Variants in SETD6 observed in about 807,000 individuals in gnomAD.
The protein encoded by SETD6 is SET domain containing 6, protein lysine methyltransferase, also known as N-lysine methyltransferase SETD6.
A neutral mutation model predicts 52.7 loss-of-function variants in SETD6; 67 were observed. The ratio of observed to expected loss-of-function variants is 1.27; its 90% CI spans 1.04 to 1.56. The LOEUF (loss-of-function observed/expected upper bound fraction) is 1.56, where lower values mean the gene tolerates loss of function less well. SETD6 is among the 40% of genes most tolerant of loss of function. SETD6 has a pLI of 0.00. For missense variants in SETD6, 712 were observed against 607.5 expected, an observed-to-expected ratio of 1.17 and a Z score of -1.81; for synonymous variants, 307 against 250.2, an observed-to-expected ratio of 1.23 and a Z score of -2.14.
At position 58,516,904 on chromosome 16, in the gene SETD6, C is replaced by A; in HGVS notation, c.768C>A (p.His256Gln). 1.2e-6 allele frequency: 2 copies of A among 1,614,188 alleles called. No individual in the cohort carries two copies. Among genetic ancestry groups the A allele is most frequent in the Non-Finnish European group, 1.7e-6 (2 of 1,180,024 alleles). ...AADILNHLAN[H>Q]NANLEYSANC... Reference sequence around the variant, plus strand: ...ACATACTAAACCACTTAGCCAATCACAACGCCAATCTAGAATACTCTGCGG... The same window carrying A: ...ACATACTAAACCACTTAGCCAATCAAAACGCCAATCTAGAATACTCTGCGG... The change falls in exon 5 of 8, where the codon CAC becomes CAA. Residue 256 changes from histidine (H) to glutamine (Q), a missense_variant. Transcript: ENST00000219315.
intron 2 of SETD6, 49 bp from the exon 3 acceptor site, chr16:58,516,153 C>CGGGGCGGGGCGGGG: frequency 9.5e-7 from 1 of 1,051,520 alleles, no homozygotes; most frequent in Non-Finnish European, 1.2e-6. Context: ...GCGGGGCGGG[C>CGGGGCGGGGCGGGG]CCGGCCCGCG....
At position 58,518,470 on chromosome 16, in the gene SETD6, T is replaced by A; in HGVS notation, c.1043T>A (p.Val348Glu). The change falls in exon 7 of 8, where the codon GTA (valine) becomes GAA (glutamate). Residue 348 changes from valine to glutamate, a missense_variant. Physicochemically the swap from Val to Glu is moderately radical, Grantham distance 121. Transcript: ENST00000219315. ...RWDFLCKLEM[V>E]GEEGAFVIGR... ...GATTTCCTATGCAAACTGGAGATGG[T>A]AGGGGAAGAGGGAGCCTTTGTGATA... The A allele has an allele frequency of 6.3e-7, 1 of 1,588,936 alleles. No individual in the cohort carries two copies. The highest frequency in any genetic ancestry group is 1.4e-5 in the African/African-American group (1 of 72,944).
Position 58,516,260 on chromosome 16 carries a change from C to T in SETD6, c.393C>T (p.His131=). The change falls in exon 3 of 8, where the codon CAC becomes CAT. Residue 131 remains histidine, a synonymous_variant. Transcript: ENST00000219315. ...TGCCACTGCTGCTGGCGCTGCTCCA[C>T]GAGCTGCAGGCCCCGGCCTCACGCT... ...GWVPLLLALL[H]ELQAPASRWR... The T allele has an allele frequency of 6.2e-7, 1 of 1,600,864 alleles. No individual in the cohort carries two copies. Among genetic ancestry groups the T allele is most frequent in the Non-Finnish European group, 8.5e-7 (1 of 1,179,670 alleles).
intron 1 of SETD6, 113 bp downstream of exon 1, chr16:58,515,677 TC>T: frequency 1.4e-6 from 2 of 1,405,112 alleles, no homozygotes; most frequent in Non-Finnish European, 9.2e-7. Flanking sequence ...CGCGCCCCTC[TC>T]CGCTCGTCCC....
At position 58,518,741 on chromosome 16, in the gene SETD6, TGAG is replaced by T. The variant is rs1804806084; in HGVS notation, c.1138_1140del (p.Glu380del). Reference sequence around the variant, plus strand: ...GCTTCTAGGTACTGTGCATGCCTGCTGAGGAGTTCAGAGAGCTTAAAGACCAGG... The same window carrying T: ...GCTTCTAGGTACTGTGCATGCCTGCTGAGTTCAGAGAGCTTAAAGACCAGG... On this transcript the variant is annotated inframe_deletion, in exon 8 of 8. Coordinates refer to ENST00000219315, the MANE Select transcript of SETD6 (RefSeq NM_001160305.4). 1.2e-6 allele frequency: 2 copies of T among 1,614,104 alleles called. No individual in the cohort carries two copies. The highest frequency in any genetic ancestry group is 1.7e-6 in the Non-Finnish European group (2 of 1,180,008).
In SETD6 at chr16:58,522,577, A is replaced by C. The variant is rs2039440430; in HGVS notation, c.*3548A>C. 6.6e-6 allele frequency among the ~76,000 whole-genome samples: 1 copy of C among 152,128 alleles called. No individual in the cohort carries two copies. Among genetic ancestry groups the C allele is most frequent in the Admixed American group, 6.5e-5 (1 of 15,284 alleles). ...TAAAGTGTGTGTGTGTGTGTATCACAATCTCTCTAATGCTATATGTAGTCT... is the reference window on the plus strand; with the variant it reads ...TAAAGTGTGTGTGTGTGTGTATCACCATCTCTCTAATGCTATATGTAGTCT... On this transcript the variant is annotated 3_prime_UTR_variant, in exon 8 of 8. Coordinates refer to ENST00000219315, the MANE Select transcript of SETD6 (RefSeq NM_001160305.4).
In SETD6 at chr16:58,523,615, G is replaced by T; in HGVS notation, c.*4586G>T. On this transcript the variant is annotated 3_prime_UTR_variant, in exon 8 of 8. Transcript: ENST00000219315. ...ACAGAGGCTTTCAAATTAATCTTTG[G>T]TTTAAAGCAGTGGTTCTTGGGACCC... 1 of 919,284 alleles carries T rather than the reference G, an allele frequency of 1.1e-6. No individual in the cohort carries two copies. Among genetic ancestry groups the T allele is most frequent in the African/African-American group, 1.7e-5 (1 of 60,560 alleles). 56.9% of individuals were successfully genotyped at this position (919,284 alleles called of 1,614,324 possible).
Position 58,516,493 on chromosome 16 carries a change from C to CCG in SETD6, c.493_494dup (p.Cys166GlyfsTer46). On this transcript the variant is annotated frameshift_variant, in exon 4 of 8. Coordinates refer to ENST00000219315, the MANE Select transcript of SETD6 (RefSeq NM_001160305.4). LOFTEE classifies it high-confidence loss of function. The stretch of plus-strand genomic sequence containing the variant: ...GTCCCTGCAGGCCAGAGGAGGAGCG[C>CCG]CGGTGCCTGCTCCAGGGCACAGGCG... 6.2e-7 allele frequency: 1 copy of CCG among 1,614,028 alleles called. No homozygotes were observed. Among genetic ancestry groups the CCG allele is most frequent in the Non-Finnish European group, 8.5e-7 (1 of 1,179,950 alleles).
chr16:58,517,132 A>C lies in SETD6; in HGVS notation c.792+204A>C, dbSNP rs1304963221. 4 of 689,454 alleles carry C rather than the reference A, an allele frequency of 5.8e-6. No homozygotes were observed. In the East Asian group the frequency reaches 1.2e-4, roughly 20 times the overall value. 42.7% of individuals were successfully genotyped at this position (689,454 alleles called of 1,614,324 possible). On this transcript the variant is annotated intron_variant, in intron 5 of 7. Transcript: ENST00000219315. Reference sequence around the variant, plus strand: ...GTAAGTTGTGGTTAATCCTCTGATAAACTATACTACCATCATTTATTTAGT... The same window carrying C: ...GTAAGTTGTGGTTAATCCTCTGATACACTATACTACCATCATTTATTTAGT...
rs1283769650 is a variant in SETD6, at chr16:58,518,756, G to A, written c.1149G>A (p.Glu383=). The A allele has an allele frequency of 6.2e-7, 1 of 1,614,176 alleles. No individual in the cohort carries two copies. The highest frequency in any genetic ancestry group is 1.7e-5 in the Admixed American group (1 of 60,026). ...GCATGCCTGCTGAGGAGTTCAGAGA[G>A]CTTAAAGACCAGGATGGAGGGGGAG... is the stretch of plus-strand genomic sequence containing the variant. ...VLCMPAEEFR[E]LKDQDGGGDD... is the part of the protein sequence containing the mutation. Residue 383 remains glutamate, a synonymous_variant, in exon 8 of 8, where the codon GAG becomes GAA. Transcript: ENST00000219315.
Position 58,521,695 on chromosome 16 carries a change from G to C in SETD6, c.*2666G>C, listed in dbSNP as rs981669253. Reference sequence around the variant, plus strand: ...AGGCCGGGCACAGTGGCTCATGCCTGTAATCCAGCACTTTGGGAGGCCGAG... The same window carrying C: ...AGGCCGGGCACAGTGGCTCATGCCTCTAATCCAGCACTTTGGGAGGCCGAG... On this transcript the variant is annotated 3_prime_UTR_variant, in exon 8 of 8. Coordinates refer to ENST00000219315, the MANE Select transcript of SETD6 (RefSeq NM_001160305.4). Among the ~76,000 whole-genome samples the C allele has an allele frequency of 6.6e-6, 1 of 152,210 alleles. No homozygotes were observed. The highest frequency in any genetic ancestry group is 1.5e-5 in the Non-Finnish European group (1 of 68,040).
In SETD6 at chr16:58,518,872, T is replaced by C. The variant is rs1438841393; in HGVS notation, c.1265T>C (p.Leu422Pro). The change falls in exon 8 of 8, where the codon CTG becomes CCG. Residue 422 changes from leucine (L) to proline (P), a missense_variant. Leu to Pro is a moderately conservative substitution (Grantham distance 98). Transcript: ENST00000219315. ...WRQLLQNSVLLTLQTYATDLK... is the reference protein window; with the variant it reads ...WRQLLQNSVLPTLQTYATDLK... ...CAGCTGCTTCAAAACAGTGTTCTAC[T>C]GACTTTGCAGACCTATGCCACAGAC... 3 of 1,614,220 alleles carry C rather than the reference T, an allele frequency of 1.9e-6. No individual in the cohort carries two copies. Among genetic ancestry groups the C allele is most frequent in the African/African-American group, 1.3e-5 (1 of 75,056 alleles).
rs1245560137 is a variant in SETD6 at position 58,521,160 on chromosome 16, A to G, written c.*2131A>G. On this transcript the variant is annotated 3_prime_UTR_variant, in exon 8 of 8. Coordinates refer to ENST00000219315, the MANE Select transcript of SETD6 (RefSeq NM_001160305.4). ...CAGTCTCCAGTCTCATTCCTAGACAATTAAAAATTACTTTGAACTCACTTT... is the reference window on the plus strand; with the variant it reads ...CAGTCTCCAGTCTCATTCCTAGACAGTTAAAAATTACTTTGAACTCACTTT... 2 of 1,613,020 alleles carry G rather than the reference A, an allele frequency of 1.2e-6. No homozygotes were observed. Among genetic ancestry groups the G allele is most frequent in the Non-Finnish European group, 8.5e-7 (1 of 1,179,710 alleles).
rs2039294345 is a variant in SETD6, at chr16:58,519,741, G to A, written c.*712G>A. The A allele has an allele frequency of 6.6e-6, 1 of 152,064 alleles. No homozygotes were observed. The highest frequency in any genetic ancestry group is 6.6e-5 in the Admixed American group (1 of 15,262). The allele number at this position is 152,064 out of a possible 1,614,324, so 9.4% of individuals were successfully genotyped here. On this transcript the variant is annotated 3_prime_UTR_variant, in exon 8 of 8. Transcript: ENST00000219315. ...ATAAACCTGCTCCAGCATTTGTCCAGTGTTGAAATAAATAGGAAGAAAAAT... is the reference window on the plus strand; with the variant it reads ...ATAAACCTGCTCCAGCATTTGTCCAATGTTGAAATAAATAGGAAGAAAAAT...
chr16:58,519,615 A>C lies in SETD6; in HGVS notation c.*586A>C, dbSNP rs1176109543. The C allele has an allele frequency of 1.3e-5, 2 of 151,624 alleles. No individual in the cohort carries two copies. Among genetic ancestry groups the C allele is most frequent in the East Asian group, 3.9e-4 (2 of 5,112 alleles). The allele number at this position is 151,624 out of a possible 1,614,324, so 9.4% of individuals were successfully genotyped here. A position where few individuals can be genotyped will look rare whatever the true frequency, so the allele number is the denominator to read the frequency against. ...GGTAAGGCAAATTTTAAGTGGGTTA[A>C]GTTTTTAAATACGTATCTACTCATT... On this transcript the variant is annotated 3_prime_UTR_variant, in exon 8 of 8. Transcript: ENST00000219315.
chr16:58,516,110 G>A lies in SETD6; in HGVS notation c.334+13G>A. ...CTGCTGGAGCGAGGTGGGCACGGCG[G>A]CGGGCTAGGGCCCTGGGGCGGGGCG... is the stretch of plus-strand genomic sequence containing the variant. On this transcript the variant is annotated intron_variant, in intron 2 of 7. Coordinates refer to ENST00000219315, the MANE Select transcript of SETD6 (RefSeq NM_001160305.4). The A allele has an allele frequency of 1.6e-6, 2 of 1,280,672 alleles. No homozygotes were observed. The highest frequency in any genetic ancestry group is 4.5e-5 in the South Asian group (2 of 44,882). The allele number at this position is 1,280,672 out of a possible 1,614,324, so 79.3% of individuals were successfully genotyped here.
intron 2 of SETD6, 44 bp from the exon 3 acceptor site, chr16:58,516,157 GC>G: frequency 7.6e-7 from 1 of 1,314,896 alleles, no homozygotes; most frequent in East Asian, 3.2e-5. Flanking sequence ...GGCGGGCCCG[GC>G]CCGCGAGGCC....
chr16:58,521,410 A>C lies in SETD6; in HGVS notation c.*2381A>C. The C allele has an allele frequency of 7.7e-7, 1 of 1,293,410 alleles. No homozygotes were observed. The allele number at this position is 1,293,410 out of a possible 1,614,324, so 80.1% of individuals were successfully genotyped here. A position where few individuals can be genotyped will look rare whatever the true frequency, so the allele number is the denominator to read the frequency against. ...CTTTTTTTCTAACTTCTCCCTGACT[A>C]TTGAACCACATGCAAAAGTTTTCAC... On this transcript the variant is annotated 3_prime_UTR_variant, in exon 8 of 8. Coordinates refer to ENST00000219315, the MANE Select transcript of SETD6 (RefSeq NM_001160305.4).
In SETD6 at chr16:58,515,556, C is replaced by A. The variant is rs762789618; in HGVS notation, c.19C>A (p.Arg7Ser). The A allele has an allele frequency of 3.2e-6, 5 of 1,586,600 alleles. No homozygotes were observed. The South Asian group carries it at 3.4e-5, about 11-fold the overall frequency. The part of the protein sequence containing the change: MATQAK[R>S]PRVAGPVDGG... ...TTAGACCATGGCGACCCAGGCGAAG[C>A]GTCCACGGGTGAGTGGCGGGCGCGG... The change falls in exon 1 of 8, where the codon CGT (arginine) becomes AGT (serine). Residue 7 changes from arginine (R) to serine (S), a missense_variant. Transcript: ENST00000219315.
Sources: allele counts gnomAD v4.1 joint callset (sites outside exome capture counted in the v4.1 genomes callset), GRCh38; gene constraint gnomAD v4.1.1; transcripts MANE v1.5; gene names NCBI Gene and HGNC (gene_info 2026-07-23, HGNC 2026-07-21).